Variants in DISC1 observed in about 807,000 individuals in gnomAD.
DISC1 encodes disrupted in schizophrenia 1 protein.
A neutral mutation model predicts 84.5 loss-of-function variants in DISC1; 57 were observed. The ratio of observed to expected loss-of-function variants is 0.67; its 90% CI spans 0.55 to 0.84. The LOEUF is 0.84. Among genes scored for constraint, DISC1 ranks in the 40% least tolerant of loss-of-function variants. DISC1 has a pLI of 0.00. For missense variants in DISC1, 1,000 were observed against 1,057.8 expected (o/e 0.95, Z 0.76); for synonymous variants, 411 against 415.2 (o/e 0.99, Z 0.12).
At chr1:231,918,371 A>G (rs2089780644) in intron 9 of DISC1, among the ~76,000 whole-genome samples, 1 of 152,258 alleles carries the variant, frequency 6.6e-6, no homozygotes. Context: ...GTAGCCTATC[A>G]ATAACGTTCA....
chr1:231,984,824 A>G (rs1664165733), intron 10 of DISC1, among the ~76,000 whole-genome samples: 1 of 152,128 alleles, frequency 6.6e-6, no homozygotes, highest in Non-Finnish European at 1.5e-5. Flanking sequence ...GAGGAAAGGG[A>G]GATGTAGATT....
At chr1:231,739,661 G>T (rs1350749094) in intron 3 of DISC1, among the ~76,000 whole-genome samples, 3 of 152,240 alleles carry the variant, frequency 2.0e-5, no homozygotes, top group Admixed American at 6.5e-5. Flanking sequence ...AATGTGACTT[G>T]TTGATCTTTG....
intron 9 of DISC1, among the ~76,000 whole-genome samples, chr1:231,876,597 A>G (rs975485644): frequency 6.6e-6 from 1 of 152,188 alleles, no homozygotes; most frequent in Non-Finnish European, 1.5e-5. Flanking sequence ...AAATGGTGTA[A>G]TTGCCACTGA....
intron 1 of DISC1, among the ~76,000 whole-genome samples, chr1:231,674,083 A>T (rs191151624): frequency 6.6e-6 from 1 of 152,330 alleles, no homozygotes; most frequent in East Asian, 1.9e-4. Flanking sequence ...ATCTTATCTT[A>T]AAAATAAGGT....
intron 4 of DISC1, 52 bp downstream of exon 4, chr1:231,750,128 C>T: frequency 6.3e-7 from 1 of 1,586,948 alleles, no homozygotes; most frequent in Non-Finnish European, 8.6e-7. Context: ...TCCTACCTCT[C>T]AGCTCCCACA....
At chr1:231,665,115 A>G (rs192183765) in intron 1 of DISC1, among the ~76,000 whole-genome samples, 2 of 152,234 alleles carry the variant, frequency 1.3e-5, no homozygotes, top group East Asian at 3.8e-4. Context: ...TCATAATTGC[A>G]TACAATTAAC....
intron 9 of DISC1, among the ~76,000 whole-genome samples, chr1:231,850,837 C>T (rs550642317): frequency 3.9e-5 from 6 of 152,138 alleles, no homozygotes; most frequent in South Asian, 2.1e-4. Flanking sequence ...TGGGAAAGTC[C>T]GACGCTCTGG....
At chr1:231,878,542 C>T (rs966781076) in intron 9 of DISC1, among the ~76,000 whole-genome samples, 1 of 148,272 alleles carries the variant, frequency 6.7e-6, no homozygotes, top group Non-Finnish European at 1.5e-5. Flanking sequence ...AGGCAGGAAC[C>T]AGACTAAGCA....
chr1:231,959,049 G>A, intron 10 of DISC1, 161 bp downstream of exon 10: 1 of 1,416,196 alleles, frequency 7.1e-7, no homozygotes, highest in Non-Finnish European at 9.1e-7. Flanking sequence ...TGAAAGAGCA[G>A]GTGCCAGCCC....
intron 10 of DISC1, 135 bp from the exon 11 acceptor site, chr1:232,008,650 A>G: frequency 9.2e-7 from 1 of 1,087,948 alleles, no homozygotes; most frequent in Non-Finnish European, 1.3e-6. Context: ...TAGTTGAAAT[A>G]ATTTATCACT....
At chr1:231,642,245 C>G (rs920553894) in intron 1 of DISC1, among the ~76,000 whole-genome samples, 12 of 152,212 alleles carry the variant, frequency 7.9e-5, no homozygotes, top group African/African-American at 2.9e-4. Flanking sequence ...CGCGCTGGCC[C>G]GCAAGCACCG....
At chr1:231,840,487 C>A (rs1265381737) in intron 9 of DISC1, among the ~76,000 whole-genome samples, 3 of 152,100 alleles carry the variant, frequency 2.0e-5, no homozygotes, top group African/African-American at 7.2e-5. Flanking sequence ...AACAAACTAT[C>A]AATATACACA....
intron 3 of DISC1, among the ~76,000 whole-genome samples, chr1:231,738,481 A>G (rs534995362): frequency 4.3e-4 from 66 of 152,182 alleles, no homozygotes; most frequent in African/African-American, 1.6e-3. Context: ...GGTCTTTCGG[A>G]TGTTTCCTCA....
At chr1:231,800,255 A>G (rs1249331822) in intron 8 of DISC1, 45 bp downstream of exon 8, 1 of 1,424,348 alleles carries the variant, frequency 7.0e-7, no homozygotes, top group African/African-American at 1.4e-5. Flanking sequence ...AACTAAAATA[A>G]TGACAGCTAC....
chr1:231,720,945 AG>A, intron 3 of DISC1: 1 of 1,290,984 alleles, frequency 7.7e-7, no homozygotes, highest in Non-Finnish European at 1.0e-6. Context: ...TTACCTCTGC[AG>A]GAAGTCACTG....
At chr1:231,977,445 T>G (rs1172951442) in intron 10 of DISC1, among the ~76,000 whole-genome samples, 1 of 152,170 alleles carries the variant, frequency 6.6e-6, no homozygotes, top group Non-Finnish European at 1.5e-5. Flanking sequence ...CCTTCCTCCA[T>G]CTTCAAAGTG....
At chr1:231,813,604 A>T (rs946304816) in intron 8 of DISC1, among the ~76,000 whole-genome samples, 1 of 152,188 alleles carries the variant, frequency 6.6e-6, no homozygotes, top group Non-Finnish European at 1.5e-5. Context: ...AGCTCATGGA[A>T]GTGCAGTCTG....
Position 231,795,305 on chromosome 1 carries a change from C to T in DISC1, c.1689+9C>T. On this transcript the variant is annotated intron_variant, in intron 7 of 12. Transcript: ENST00000439617. ...AAGAAATCACTACTAAGGTAAGTACCTTTATATTCCCATTTTCCAAAGAAG... is the reference window on the plus strand; with the variant it reads ...AAGAAATCACTACTAAGGTAAGTACTTTTATATTCCCATTTTCCAAAGAAG... 6.2e-7 allele frequency: 1 copy of T among 1,608,864 alleles called. No individual in the cohort carries two copies. The highest frequency in any genetic ancestry group is 1.1e-5 in the South Asian group (1 of 90,956).
chr1:231,812,275 C>A (rs991884226), intron 8 of DISC1, among the ~76,000 whole-genome samples: 4 of 152,096 alleles, frequency 2.6e-5, no homozygotes, highest in Non-Finnish European at 5.9e-5. Flanking sequence ...CCAGGCTGGT[C>A]TCCAACTCCT....
Sources: allele counts gnomAD v4.1 joint callset (sites outside exome capture counted in the v4.1 genomes callset), GRCh38; gene constraint gnomAD v4.1.1; transcripts MANE v1.5; gene names NCBI Gene and HGNC (gene_info 2026-07-23, HGNC 2026-07-21).